The following OR5L1 variants were observed in gnomAD, a reference collection of about 807,000 sequenced individuals.
OR5L1 encodes olfactory receptor family 5 subfamily L member 1, also known as olfactory receptor 5L1.
For missense variants in OR5L1, 398 were observed against 365.8 expected, an observed-to-expected ratio of 1.09 and a Z score of -0.72; for synonymous variants, 197 against 146.6, an observed-to-expected ratio of 1.34 and a Z score of -2.49.
rs150792242 is a variant in OR5L1, at chr11:55,812,069, G to T, written c.603G>T (p.Leu201=). 13 of 1,613,724 alleles carry T rather than the reference G, an allele frequency of 8.1e-6. No homozygotes were observed. In the African/African-American group the frequency reaches 1.7e-4, roughly 22 times the overall value. ...DITVNETLLF[L]VATLNESVTI... Reference sequence around the variant, plus strand: ...CTGTGAATGAGACACTGCTGTTCCTGGTGGCCACTTTGAATGAGAGTGTTA... The same window carrying T: ...CTGTGAATGAGACACTGCTGTTCCTTGTGGCCACTTTGAATGAGAGTGTTA... Residue 201 remains leucine, a synonymous_variant, in exon 1 of 1, where the codon CTG becomes CTT. Transcript: ENST00000625203.
At position 55,811,641 on chromosome 11, in the gene OR5L1, A is replaced by C. The variant is rs377702509; in HGVS notation, c.175A>C (p.Met59Leu). Reference protein sequence around the residue: ...IQVSSRLHTPMYFFLSHLSSV... With the variant: ...IQVSSRLHTPLYFFLSHLSSV... ...GGTCAGCTCTCGGCTCCACACCCCCATGTACTTTTTCCTCAGCCACTTGTC... is the reference window on the plus strand; with the variant it reads ...GGTCAGCTCTCGGCTCCACACCCCCCTGTACTTTTTCCTCAGCCACTTGTC... The change falls in exon 1 of 1, where the codon ATG (methionine) becomes CTG (leucine). Residue 59 changes from methionine to leucine, a missense_variant. Coordinates refer to ENST00000625203, the MANE Select transcript of OR5L1 (RefSeq NM_001004738.2). The C allele has an allele frequency of 1.2e-6, 2 of 1,613,826 alleles. No individual in the cohort carries two copies. Among genetic ancestry groups the C allele is most frequent in the Non-Finnish European group, 1.7e-6 (2 of 1,179,970 alleles).
chr11:55,812,261 C>T lies in OR5L1; in HGVS notation c.795C>T (p.Gly265=), dbSNP rs753140877. The T allele has an allele frequency of 2.3e-5, 37 of 1,613,712 alleles. No individual in the cohort carries two copies. The highest frequency in any genetic ancestry group is 3.3e-4 in the Middle Eastern group (2 of 6,062). The change falls in exon 1 of 1, where the codon GGC becomes GGT. Residue 265 remains glycine (G), a synonymous_variant. Coordinates refer to ENST00000625203, the MANE Select transcript of OR5L1 (RefSeq NM_001004738.2). The part of the protein sequence containing the change: ...VLSIYCRPSS[G]NSGDADKVAT... ...CCATTTATTGCAGGCCCAGTTCAGG[C>T]AATAGTGGAGATGCTGACAAAGTGG...
chr11:55,811,447 A>G lies in OR5L1; in HGVS notation c.-20A>G, dbSNP rs1853685614. ...TAATTTTTAAGTTTCTTTTCCTCCA[A>G]TCTCATATAAATTGGAGACATGGGC... On this transcript the variant is annotated 5_prime_UTR_variant, in exon 1 of 1. Coordinates refer to ENST00000625203, the MANE Select transcript of OR5L1 (RefSeq NM_001004738.2). 1.3e-6 allele frequency: 2 copies of G among 1,596,668 alleles called. No individual in the cohort carries two copies. The highest frequency in any genetic ancestry group is 2.2e-5 in the East Asian group (1 of 44,724).
chr11:55,811,386 C>A lies in OR5L1; in HGVS notation c.-81C>A. On this transcript the variant is annotated 5_prime_UTR_variant, in exon 1 of 1. Transcript: ENST00000625203. ...TTTTCTGGTGTCTTTTTACAGGATACAGCCAAAACTAAAATTTAGACTATA... is the reference window on the plus strand; with the variant it reads ...TTTTCTGGTGTCTTTTTACAGGATAAAGCCAAAACTAAAATTTAGACTATA... 7.0e-7 allele frequency: 1 copy of A among 1,431,260 alleles called. No homozygotes were observed. Among genetic ancestry groups the A allele is most frequent in the Non-Finnish European group, 9.4e-7 (1 of 1,066,172 alleles). 88.7% of individuals were successfully genotyped at this position (1,431,260 alleles called of 1,614,324 possible). A position where few individuals can be genotyped will look rare whatever the true frequency, so the allele number is the denominator to read the frequency against.
At position 55,811,573 on chromosome 11, in the gene OR5L1, G is replaced by A; in HGVS notation, c.107G>A (p.Gly36Glu). Residue 36 changes from glycine to glutamate, a missense_variant, in exon 1 of 1, where the codon GGA becomes GAA. Coordinates refer to ENST00000625203, the MANE Select transcript of OR5L1 (RefSeq NM_001004738.2). ...CLFLLFLLIY[G>E]VTLLANLGMI... ...TTCCTGCTGTTCCTTCTCATCTATG[G>A]AGTCACGTTGTTAGCCAACCTGGGC... The A allele has an allele frequency of 2.5e-6, 4 of 1,613,926 alleles. No homozygotes were observed. The highest frequency in any genetic ancestry group is 3.4e-6 in the Non-Finnish European group (4 of 1,180,014).
Position 55,811,931 on chromosome 11 carries a change from T to C in OR5L1, c.465T>C (p.Cys155=). Residue 155 remains cysteine (C), a synonymous_variant, in exon 1 of 1, where the codon TGT becomes TGC. Transcript: ENST00000625203. ...ASCCYFCGTV[C]SLIHLCLALR... ...GCTGCTACTTCTGTGGGACGGTGTG[T>C]TCTCTGATTCATTTGTGCTTAGCTC... The C allele has an allele frequency of 1.9e-6, 3 of 1,613,964 alleles. No individual in the cohort carries two copies. Among genetic ancestry groups the C allele is most frequent in the East Asian group, 4.5e-5 (2 of 44,872 alleles).
chr11:55,812,080 T>A lies in OR5L1; in HGVS notation c.614T>A (p.Leu205Ter), dbSNP rs753482876. 5.0e-6 allele frequency: 8 copies of A among 1,613,992 alleles called. No individual in the cohort carries two copies. The highest frequency in any genetic ancestry group is 5.9e-6 in the Non-Finnish European group (7 of 1,180,012). The change falls in exon 1 of 1, where the codon TTG (leucine) becomes TAG (stop). Residue 205 changes from leucine (L) to a stop codon, truncating the protein, a stop_gained. Transcript: ENST00000625203. LOFTEE classifies it low-confidence loss of function (END_TRUNC). ...ACACTGCTGTTCCTGGTGGCCACTT[T>A]GAATGAGAGTGTTACCATCATGATC... is the stretch of plus-strand genomic sequence containing the variant. Reference protein sequence around the residue: ...NETLLFLVATLNESVTIMIIL... With the variant: ...NETLLFLVAT
In OR5L1 at chr11:55,812,045, T is replaced by C; in HGVS notation, c.579T>C (p.Thr193=). The C allele has an allele frequency of 1.2e-6, 2 of 1,613,990 alleles. No homozygotes were observed. Among genetic ancestry groups the C allele is most frequent in the Non-Finnish European group, 1.7e-6 (2 of 1,179,996 alleles). The part of the protein sequence containing the change: ...PVLSLACSDI[T]VNETLLFLVA... ...TAAGTCTTGCTTGCTCTGATATCAC[T>C]GTGAATGAGACACTGCTGTTCCTGG... The change falls in exon 1 of 1, where the codon ACT becomes ACC. Residue 193 remains threonine (T), a synonymous_variant. Transcript: ENST00000625203.
Position 55,811,442 on chromosome 11 carries a change from C to G in OR5L1, c.-25C>G, listed in dbSNP as rs770977413. 1 of 1,591,262 alleles carries G rather than the reference C, an allele frequency of 6.3e-7. No homozygotes were observed. Among genetic ancestry groups the G allele is most frequent in the Non-Finnish European group, 8.6e-7 (1 of 1,169,566 alleles). On this transcript the variant is annotated 5_prime_UTR_variant, in exon 1 of 1. Coordinates refer to ENST00000625203, the MANE Select transcript of OR5L1 (RefSeq NM_001004738.2). ...GAGAATAATTTTTAAGTTTCTTTTC[C>G]TCCAATCTCATATAAATTGGAGACA...
rs958685864 is a variant in OR5L1 at position 55,812,188 on chromosome 11, G to T, written c.722G>T (p.Cys241Phe). Residue 241 changes from cysteine (C) to phenylalanine (F), a missense_variant, in exon 1 of 1, where the codon TGT becomes TTT. Cys to Phe is a radical substitution (Grantham distance 205). Coordinates refer to ENST00000625203, the MANE Select transcript of OR5L1 (RefSeq NM_001004738.2). ...AEGRHKAFST[C>F]ASHLTAITVF... is the part of the protein sequence containing the mutation. ...GGCAGGCACAAAGCCTTCTCCACCT[G>T]TGCTTCCCACCTCACAGCTATCACT... 1 of 1,613,854 alleles carries T rather than the reference G, an allele frequency of 6.2e-7. No individual in the cohort carries two copies. The highest frequency in any genetic ancestry group is 1.7e-5 in the Admixed American group (1 of 59,988).
Position 55,811,422 on chromosome 11 carries a change from T to C in OR5L1, c.-45T>C. ...AAAATTTAGACTATATAATGGAGAATAATTTTTAAGTTTCTTTTCCTCCAA... is the reference window on the plus strand; with the variant it reads ...AAAATTTAGACTATATAATGGAGAACAATTTTTAAGTTTCTTTTCCTCCAA... On this transcript the variant is annotated 5_prime_UTR_variant, in exon 1 of 1. Transcript: ENST00000625203. 6.4e-7 allele frequency: 1 copy of C among 1,557,600 alleles called. No individual in the cohort carries two copies. Among genetic ancestry groups the C allele is most frequent in the Non-Finnish European group, 8.7e-7 (1 of 1,155,068 alleles).
At position 55,811,388 on chromosome 11, in the gene OR5L1, G is replaced by C. The variant is rs1050466780; in HGVS notation, c.-79G>C. The stretch of plus-strand genomic sequence containing the variant: ...TTCTGGTGTCTTTTTACAGGATACA[G>C]CCAAAACTAAAATTTAGACTATATA... On this transcript the variant is annotated 5_prime_UTR_variant, in exon 1 of 1. Transcript: ENST00000625203. 108 of 1,463,238 alleles carry C rather than the reference G, an allele frequency of 7.4e-5. No individual in the cohort carries two copies. The highest frequency in any genetic ancestry group is 2.0e-4 in the African/African-American group (14 of 70,424). 90.6% of individuals were successfully genotyped at this position (1,463,238 alleles called of 1,614,324 possible).
Position 55,811,501 on chromosome 11 carries a change from T to A in OR5L1, c.35T>A (p.Phe12Tyr). ...GAAAACTGCACCACTGTGGCTGAGT[T>A]CATTCTCCTTGGACTATCAGATGTC... is the stretch of plus-strand genomic sequence containing the variant. ...GKENCTTVAE[F>Y]ILLGLSDVPE... The change falls in exon 1 of 1, where the codon TTC (phenylalanine) becomes TAC (tyrosine). Residue 12 changes from phenylalanine (F) to tyrosine (Y), a missense_variant. Physicochemically the swap from Phe to Tyr is conservative, Grantham distance 22. Coordinates refer to ENST00000625203, the MANE Select transcript of OR5L1 (RefSeq NM_001004738.2). 2 of 1,613,914 alleles carry A rather than the reference T, an allele frequency of 1.2e-6. No homozygotes were observed. The highest frequency in any genetic ancestry group is 2.2e-5 in the South Asian group (2 of 91,066).
In OR5L1 at chr11:55,812,252, C is replaced by G; in HGVS notation, c.786C>G (p.Pro262=). The G allele has an allele frequency of 6.2e-7, 1 of 1,613,852 alleles. No individual in the cohort carries two copies. The highest frequency in any genetic ancestry group is 1.1e-5 in the South Asian group (1 of 91,068). The change falls in exon 1 of 1, where the codon CCC becomes CCG. Residue 262 remains proline (P), a synonymous_variant. Coordinates refer to ENST00000625203, the MANE Select transcript of OR5L1 (RefSeq NM_001004738.2). ...HGTVLSIYCR[P]SSGNSGDADK... is the part of the protein sequence containing the mutation. The stretch of plus-strand genomic sequence containing the variant: ...CAGTCCTTTCCATTTATTGCAGGCC[C>G]AGTTCAGGCAATAGTGGAGATGCTG...
Position 55,812,063 on chromosome 11 carries a change from G to A in OR5L1, c.597G>A (p.Leu199=), listed in dbSNP as rs199804807. 1.2e-6 allele frequency: 2 copies of A among 1,613,846 alleles called. No homozygotes were observed. The highest frequency in any genetic ancestry group is 1.7e-5 in the Admixed American group (1 of 59,996). Residue 199 remains leucine, a synonymous_variant, in exon 1 of 1, where the codon CTG becomes CTA. Coordinates refer to ENST00000625203, the MANE Select transcript of OR5L1 (RefSeq NM_001004738.2). ...ATATCACTGTGAATGAGACACTGCT[G>A]TTCCTGGTGGCCACTTTGAATGAGA... The part of the protein sequence containing the change: ...CSDITVNETL[L]FLVATLNESV...
In OR5L1 at chr11:55,811,591, A is replaced by G. The variant is rs180686011; in HGVS notation, c.125A>G (p.Asn42Ser). 17 of 1,613,938 alleles carry G rather than the reference A, an allele frequency of 1.1e-5. No individual in the cohort carries two copies. Among genetic ancestry groups the G allele is most frequent in the Non-Finnish European group, 1.4e-5 (16 of 1,180,016 alleles). ...LLIYGVTLLA[N>S]LGMIALIQVS... The stretch of plus-strand genomic sequence containing the variant: ...ATCTATGGAGTCACGTTGTTAGCCA[A>G]CCTGGGCATGATTGCACTGATTCAG... Residue 42 changes from asparagine to serine, a missense_variant, in exon 1 of 1, where the codon AAC becomes AGC. Coordinates refer to ENST00000625203, the MANE Select transcript of OR5L1 (RefSeq NM_001004738.2).
Position 55,811,714 on chromosome 11 carries a change from C to T in OR5L1, c.248C>T (p.Ala83Val). 1 of 1,614,066 alleles carries T rather than the reference C, an allele frequency of 6.2e-7. No individual in the cohort carries two copies. Among genetic ancestry groups the T allele is most frequent in the Non-Finnish European group, 8.5e-7 (1 of 1,180,030 alleles). Residue 83 changes from alanine to valine, a missense_variant, in exon 1 of 1, where the codon GCT becomes GTT. By Grantham distance (64) the Ala-to-Val change is moderately conservative. Coordinates refer to ENST00000625203, the MANE Select transcript of OR5L1 (RefSeq NM_001004738.2). ...TCAATAATTGTGCCAAAAATGTTGG[C>T]TAATATCTTTAACAAGGACAAAGCC... Reference protein sequence around the residue: ...YSSIIVPKMLANIFNKDKAIS... With the variant: ...YSSIIVPKMLVNIFNKDKAIS...
rs772544351 is a variant in OR5L1, at chr11:55,811,585, T to G, written c.119T>G (p.Leu40Ter). 7 of 1,614,008 alleles carry G rather than the reference T, an allele frequency of 4.3e-6. No individual in the cohort carries two copies. Among genetic ancestry groups the G allele is most frequent in the Non-Finnish European group, 5.9e-6 (7 of 1,180,028 alleles). The stretch of plus-strand genomic sequence containing the variant: ...CTTCTCATCTATGGAGTCACGTTGT[T>G]AGCCAACCTGGGCATGATTGCACTG... ...LFLLIYGVTLLANLGMIALIQ... is the reference protein window; with the variant it reads ...LFLLIYGVTL Residue 40 changes from leucine (L) to a stop codon, truncating the protein, a stop_gained, in exon 1 of 1, where the codon TTA becomes TGA. Coordinates refer to ENST00000625203, the MANE Select transcript of OR5L1 (RefSeq NM_001004738.2). LOFTEE classifies it low-confidence loss of function (END_TRUNC).
Position 55,811,960 on chromosome 11 carries a change from G to A in OR5L1, c.494G>A (p.Arg165Lys). 3 of 1,613,904 alleles carry A rather than the reference G, an allele frequency of 1.9e-6. No individual in the cohort carries two copies. Among genetic ancestry groups the A allele is most frequent in the Non-Finnish European group, 2.5e-6 (3 of 1,179,982 alleles). The change falls in exon 1 of 1, where the codon AGG (arginine) becomes AAG (lysine). Residue 165 changes from arginine (R) to lysine (K), a missense_variant. Arg to Lys is a conservative substitution (Grantham distance 26). Coordinates refer to ENST00000625203, the MANE Select transcript of OR5L1 (RefSeq NM_001004738.2). ...CSLIHLCLAL[R>K]IPFYRSNVIN... ...CTGATTCATTTGTGCTTAGCTCTTAGGATCCCCTTCTATAGATCTAATGTG... is the reference window on the plus strand; with the variant it reads ...CTGATTCATTTGTGCTTAGCTCTTAAGATCCCCTTCTATAGATCTAATGTG...
Sources: allele counts gnomAD v4.1 joint callset, GRCh38; gene constraint gnomAD v4.1.1; transcripts MANE v1.5; gene names NCBI Gene and HGNC (gene_info 2026-07-23, HGNC 2026-07-21).